Variants in STXBP5 observed in about 807,000 individuals in gnomAD.
STXBP5 encodes syntaxin binding protein 5, also known as syntaxin-binding protein 5.
In STXBP5, 50 loss-of-function variants were observed where a neutral mutation model predicts 152.4. That is an observed-to-expected ratio of 0.33 (90% CI 0.26 to 0.42). The LOEUF is 0.42. Ranked by LOEUF, STXBP5 falls within the 10% of genes least tolerant of loss-of-function variation. The pLI is 1.00. For missense variants in STXBP5, 1,167 were observed against 1,388.6 expected, an observed-to-expected ratio of 0.84 and a Z score of 2.54; for synonymous variants, 492 against 494.7, an observed-to-expected ratio of 0.99 and a Z score of 0.07.
chr6:147,316,038 G>A (rs959630387), intron 15 of STXBP5, among the ~76,000 whole-genome samples, 191 bp from the exon 16 acceptor site: 4 of 152,096 alleles, frequency 2.6e-5, no homozygotes, highest in Admixed American at 1.3e-4. Flanking sequence ...ACGTTTGTGT[G>A]TGTACTCCCT....
chr6:147,357,073 G>A (rs1163025913), intron 22 of STXBP5, among the ~76,000 whole-genome samples: 2 of 152,100 alleles, frequency 1.3e-5, no homozygotes, highest in African/African-American at 4.8e-5. Flanking sequence ...TTGCTTTCAA[G>A]ATACTTGCAG....
chr6:147,331,153 A>C (rs1783547506), intron 18 of STXBP5, among the ~76,000 whole-genome samples: 1 of 152,190 alleles, frequency 6.6e-6, no homozygotes, highest in Admixed American at 6.5e-5. Flanking sequence ...TGAATATTTT[A>C]AATAGTAAAT....
intron 2 of STXBP5, among the ~76,000 whole-genome samples, chr6:147,207,053 AAAG>A (rs1351410065): frequency 6.6e-6 from 1 of 152,142 alleles, no homozygotes; most frequent in Non-Finnish European, 1.5e-5. Context: ...AAAAAAAAGA[AAAG>A]AAATATACGA....
chr6:147,302,051 G>T (rs190477578), intron 9 of STXBP5, among the ~76,000 whole-genome samples: 1 of 152,012 alleles, frequency 6.6e-6, no homozygotes, highest in Non-Finnish European at 1.5e-5. Context: ...CCCAAGATTG[G>T]ACTTATCCAT....
intron 2 of STXBP5, among the ~76,000 whole-genome samples, chr6:147,229,853 TC>T (rs1777907305): frequency 1.3e-5 from 2 of 152,098 alleles, no homozygotes; most frequent in South Asian, 4.1e-4. Flanking sequence ...ACTTTTTTTT[TC>T]TTGCACATTT....
chr6:147,213,477 T>TGTGTGTGTGCGCGCGCGCGCACGCGCGC, intron 2 of STXBP5, among the ~76,000 whole-genome samples: 1 of 131,278 alleles, frequency 7.6e-6, no homozygotes, highest in Non-Finnish European at 1.6e-5. Flanking sequence ...TGTGTGTGTG[T>TGTGTGTGTGCGCGCGCGCGCACGCGCGC]GCGCGCGCAT....
chr6:147,364,619 T>C (rs1410258829), intron 25 of STXBP5, among the ~76,000 whole-genome samples: 5 of 152,200 alleles, frequency 3.3e-5, no homozygotes, highest in African/African-American at 1.2e-4. Flanking sequence ...CTCTAGTATG[T>C]TGGTTGATCT....
At chr6:147,205,138 C>A (rs1776474536) in intron 1 of STXBP5, among the ~76,000 whole-genome samples, 1 of 151,964 alleles carries the variant, frequency 6.6e-6, no homozygotes, top group African/African-American at 2.4e-5. Context: ...GTGTAAGTGG[C>A]TTACGATATG....
intron 26 of STXBP5, among the ~76,000 whole-genome samples, chr6:147,374,548 T>A (rs1482132440): frequency 6.6e-6 from 1 of 152,230 alleles, no homozygotes; most frequent in Non-Finnish European, 1.5e-5. Context: ...CAGTGGGGAC[T>A]GATAATTTGG....
intron 9 of STXBP5, among the ~76,000 whole-genome samples, chr6:147,298,768 T>A (rs1781659228): frequency 6.6e-6 from 1 of 151,988 alleles, no homozygotes. Flanking sequence ...GGAAAATAAA[T>A]GATTCTTGAG....
chr6:147,253,805 C>T (rs920065763), intron 4 of STXBP5, among the ~76,000 whole-genome samples: 3 of 152,090 alleles, frequency 2.0e-5, no homozygotes, highest in Non-Finnish European at 4.4e-5. Context: ...AGGACACAAA[C>T]AAATGGAAAA....
rs142207202 is a variant in STXBP5, at chr6:147,359,184, G to A, written c.2406G>A (p.Thr802=). ...TCTCCGCTCTTCATTTCTGTGAAAC[G>A]TTTACTCGAAAGACGGACTCGTCCC... ...EAISALHFCE[T]FTRKTDSSPS... The change falls in exon 23 of 28, where the codon ACG becomes ACA. Residue 802 remains threonine, a synonymous_variant. Coordinates refer to ENST00000321680, the MANE Select transcript of STXBP5 (RefSeq NM_001127715.4). 1.3e-4 allele frequency: 213 copies of A among 1,613,920 alleles called. No individual in the cohort carries two copies. The highest frequency in any genetic ancestry group is 4.9e-4 in the Middle Eastern group (3 of 6,082).
At chr6:147,383,519 G>T (rs931763439) in intron 27 of STXBP5, among the ~76,000 whole-genome samples, 6 of 151,964 alleles carry the variant, frequency 3.9e-5, no homozygotes, top group Admixed American at 1.3e-4. Context: ...AGAAACACAC[G>T]CTGTAAAGTA....
chr6:147,231,201 T>C (rs982770786), intron 2 of STXBP5, among the ~76,000 whole-genome samples: 9 of 151,906 alleles, frequency 5.9e-5, no homozygotes, highest in Admixed American at 2.6e-4. Context: ...TGTTTTTTTT[T>C]CCTGTGATTA....
At chr6:147,279,945 C>G (rs908184034) in intron 8 of STXBP5, among the ~76,000 whole-genome samples, 2 of 152,082 alleles carry the variant, frequency 1.3e-5, no homozygotes, top group Non-Finnish European at 2.9e-5. Flanking sequence ...AGTTTTGCAG[C>G]TTGAAGATTA....
intron 2 of STXBP5, among the ~76,000 whole-genome samples, chr6:147,217,071 T>A (rs1460061082): frequency 6.6e-6 from 1 of 152,244 alleles, no homozygotes; most frequent in Non-Finnish European, 1.5e-5. Flanking sequence ...AAGTACGTAA[T>A]CTTTTCTTGT....
chr6:147,295,212 A>G (rs1335374759), intron 9 of STXBP5, among the ~76,000 whole-genome samples: 1 of 152,186 alleles, frequency 6.6e-6, no homozygotes, highest in Non-Finnish European at 1.5e-5. Flanking sequence ...AGAAGGTGTC[A>G]GTGGGGCCAG....
intron 4 of STXBP5, among the ~76,000 whole-genome samples, chr6:147,252,654 A>T (rs1779156979): frequency 6.6e-6 from 1 of 152,190 alleles, no homozygotes; most frequent in Non-Finnish European, 1.5e-5. Context: ...AACACTCTTC[A>T]GGATATTAGC....
intron 16 of STXBP5, among the ~76,000 whole-genome samples, chr6:147,320,809 T>C (rs1007602563): frequency 1.3e-5 from 2 of 152,150 alleles, no homozygotes; most frequent in African/African-American, 4.8e-5. Flanking sequence ...AATGGCTCTA[T>C]TGATACAGTT....
Sources: gnomAD v4.1 joint callset for allele counts (sites outside exome capture counted in the v4.1 genomes callset) on GRCh38, gnomAD v4.1.1 for gene constraint, MANE v1.5 for transcripts, NCBI Gene and HGNC (gene_info 2026-07-23, HGNC 2026-07-21) for gene names.